The following ZC3HAV1 variants were observed in gnomAD, a reference collection of about 807,000 sequenced individuals.
The protein encoded by ZC3HAV1 is zinc finger CCCH-type containing, antiviral 1.
Under a neutral mutation model 86.6 loss-of-function variants are expected in ZC3HAV1, and 41 were observed. The observed-to-expected ratio is 0.47, with a 90% confidence interval of 0.37 to 0.61. The LOEUF (loss-of-function observed/expected upper bound fraction) is 0.61. Ranked by LOEUF, ZC3HAV1 falls within the 20% of genes least tolerant of loss-of-function variation. The pLI, the probability that ZC3HAV1 is intolerant of heterozygous loss-of-function variation, is 0.00. For missense variants in ZC3HAV1, 964 were observed against 1,141.1 expected, an observed-to-expected ratio of 0.84 and a Z score of 2.24; for synonymous variants, 421 against 432.1, an observed-to-expected ratio of 0.97 and a Z score of 0.32.
Position 139,080,062 on chromosome 7 carries a change from G to C in ZC3HAV1, c.879C>G (p.Leu293=), listed in dbSNP as rs767144137. 8 of 1,614,054 alleles carry C rather than the reference G, an allele frequency of 5.0e-6. No homozygotes were observed. In the East Asian group the frequency reaches 1.8e-4, roughly 36 times the overall value. Residue 293 remains leucine, a synonymous_variant, in exon 4 of 13, where the codon CTC becomes CTG. Coordinates refer to ENST00000242351, the MANE Select transcript of ZC3HAV1 (RefSeq NM_020119.4). ...ASLEDAPVDD[L]TRKFTYLGSQ... The stretch of plus-strand genomic sequence containing the variant: ...TCCCCAGATACGTGAACTTGCGGGT[G>C]AGATCGTCCACAGGCGCGTCCTCCA...
At chr7:139,052,888 C>T (rs1584836052) in intron 12 of ZC3HAV1, among the ~76,000 whole-genome samples, 1 of 151,524 alleles carries the variant, frequency 6.6e-6, no homozygotes. Flanking sequence ...GAGATTGTCA[C>T]CCAAACTGGG....
chr7:139,088,031 C>CAAAAAAAAAAAAAAAAAAAA (rs10544425), intron 2 of ZC3HAV1, among the ~76,000 whole-genome samples: 9 of 57,854 alleles, frequency 1.6e-4, no homozygotes, highest in Non-Finnish European at 2.4e-4. Context: ...GATCCTGTCT[C>CAAAAAAAAAAAAAAAAAAAA]AAAAAAAAAA....
chr7:139,053,155 T>C (rs1029772820), intron 12 of ZC3HAV1, among the ~76,000 whole-genome samples: 4 of 152,114 alleles, frequency 2.6e-5, no homozygotes, highest in African/African-American at 9.7e-5. Flanking sequence ...AAGTGAGTAG[T>C]AATGGTAGAC....
intron 3 of ZC3HAV1, among the ~76,000 whole-genome samples, chr7:139,080,868 A>T (rs1817108401): frequency 1.3e-5 from 2 of 152,170 alleles, no homozygotes; most frequent in Admixed American, 1.3e-4. Flanking sequence ...ATACGGGTGT[A>T]CCTGGCTATT....
At chr7:139,060,650 G>A in intron 9 of ZC3HAV1, 3 of 1,086,756 alleles carry the variant, frequency 2.8e-6, no homozygotes, top group Non-Finnish European at 3.4e-6. Context: ...AGACCAGCCT[G>A]GGCAACAAAG....
Position 139,064,852 on chromosome 7 carries a change from A to G in ZC3HAV1, c.1993+27T>C, listed in dbSNP as rs777402122. ...CACTGCAGGCGGATTTCAATGACAC[A>G]CAACACTGCCAAACACAGAAACCCA... is the stretch of plus-strand genomic sequence containing the variant. On this transcript the variant is annotated intron_variant, in intron 8 of 12. Transcript: ENST00000242351. The G allele has an allele frequency of 2.5e-6, 4 of 1,613,956 alleles. No individual in the cohort carries two copies. The Admixed American group carries it at 6.7e-5, about 27-fold the overall frequency.
intron 1 of ZC3HAV1, among the ~76,000 whole-genome samples, chr7:139,102,045 G>T (rs141217247): frequency 9.9e-4 from 150 of 151,488 alleles, no homozygotes; most frequent in African/African-American, 3.3e-3. Flanking sequence ...TAGATCTCTA[G>T]GGAAACTCAT....
rs761440194 is a variant in ZC3HAV1, at chr7:139,109,331, TGG to T, written c.-2_-1del. On this transcript the variant is annotated 5_prime_UTR_variant, in exon 1 of 13. Coordinates refer to ENST00000242351, the MANE Select transcript of ZC3HAV1 (RefSeq NM_020119.4). ...AAGCAGCACACCTCCGGGTCCGCCA[TGG>T]CGCGCTGGCTGTGCTGGCTCTGCCG... 2 of 1,578,408 alleles carry T rather than the reference TGG, an allele frequency of 1.3e-6. No homozygotes were observed. The highest frequency in any genetic ancestry group is 3.5e-5 in the Admixed American group (2 of 57,006).
chr7:139,081,301 G>C (rs1409168637), intron 3 of ZC3HAV1, among the ~76,000 whole-genome samples: 1 of 152,070 alleles, frequency 6.6e-6, no homozygotes, highest in Non-Finnish European at 1.5e-5. Context: ...TTTTTGTGTG[G>C]GGAAGGGGTA....
chr7:139,097,426 A>ATTTTTTTTTTTTT (rs1177588546), intron 1 of ZC3HAV1, among the ~76,000 whole-genome samples: 12 of 75,258 alleles, frequency 1.6e-4, no homozygotes, highest in African/African-American at 5.4e-4. Context: ...ATATATATAT[A>ATTTTTTTTTTTTT]TATTTTTTTT....
rs1317359754 is a variant in ZC3HAV1, at chr7:139,056,538, A to ACCTACT, written c.2097-1244_2097-1243insAGTAGG. Among the ~76,000 whole-genome samples, 5 of 151,552 alleles carry ACCTACT rather than the reference A, an allele frequency of 3.3e-5. No homozygotes were observed. In the East Asian group the frequency reaches 9.7e-4, roughly 29 times the overall value. ...CTCAACCTCTTGAGTAGCTGGGACCACAAGTGTGTACCACCACACCTGTCT... is the reference window on the plus strand; with the variant it reads ...CTCAACCTCTTGAGTAGCTGGGACCACCTACTCAAGTGTGTACCACCACACCTGTCT... On this transcript the variant is annotated intron_variant, in intron 9 of 12. Coordinates refer to ENST00000242351, the MANE Select transcript of ZC3HAV1 (RefSeq NM_020119.4).
intron 1 of ZC3HAV1, among the ~76,000 whole-genome samples, chr7:139,101,467 AT>A (rs1435283211): frequency 8.6e-6 from 1 of 116,502 alleles, no homozygotes; most frequent in Admixed American, 1.0e-4. Context: ...CCCGTCTGGG[AT>A]GTGAGGAGCG....
In ZC3HAV1 at chr7:139,080,155, C is replaced by A. The variant is rs146565146; in HGVS notation, c.786G>T (p.Ala262=). ...RFFQGSQEFL[A]SASASAERSC... is the part of the protein sequence containing the mutation. ...ACCTCTCAGCAGACGCTGAAGCAGA[C>A]GCAAGAAATTCTTGGCTGCCCTGAA... is the stretch of plus-strand genomic sequence containing the variant. The change falls in exon 4 of 13, where the codon GCG becomes GCT. Residue 262 remains alanine, a synonymous_variant. Transcript: ENST00000242351. The A allele has an allele frequency of 6.2e-7, 1 of 1,614,144 alleles. No homozygotes were observed.
Position 139,080,006 on chromosome 7 carries a change from G to C in ZC3HAV1, c.935C>G (p.Ser312Trp), listed in dbSNP as rs150932310. 6 of 1,614,136 alleles carry C rather than the reference G, an allele frequency of 3.7e-6. No homozygotes were observed. Among genetic ancestry groups the C allele is most frequent in the Admixed American group, 1.7e-5 (1 of 60,012 alleles). ...SQDRARPPSGSSKATDLGGTS... is the reference protein window; with the variant it reads ...SQDRARPPSGWSKATDLGGTS... ...TCCTCCAAGATCAGTAGCCTTGGACGAGCCTGAGGGAGGCCGAGCGCGATC... is the reference window on the plus strand; with the variant it reads ...TCCTCCAAGATCAGTAGCCTTGGACCAGCCTGAGGGAGGCCGAGCGCGATC... The change falls in exon 4 of 13, where the codon TCG becomes TGG. Residue 312 changes from serine to tryptophan, a missense_variant. By Grantham distance (177) the Ser-to-Trp change is radical. Transcript: ENST00000242351.
chr7:139,064,804 C>T, intron 8 of ZC3HAV1, 75 bp downstream of exon 8: 1 of 1,610,032 alleles, frequency 6.2e-7, no homozygotes, highest in Non-Finnish European at 8.5e-7. Context: ...TGCATACCCA[C>T]TCTGCTCCCA....
chr7:139,064,375 T>C (rs925101330), intron 8 of ZC3HAV1, among the ~76,000 whole-genome samples: 2 of 152,252 alleles, frequency 1.3e-5, no homozygotes, highest in African/African-American at 4.8e-5. Context: ...AAGACCTTTC[T>C]ATAGTAGCTC....
chr7:139,098,835 C>T (rs192481733), intron 1 of ZC3HAV1, among the ~76,000 whole-genome samples: 1 of 152,220 alleles, frequency 6.6e-6, no homozygotes, highest in Middle Eastern at 3.4e-3. Context: ...CTCCTGAAAC[C>T]TTTTACCCCT....
intron 10 of ZC3HAV1, among the ~76,000 whole-genome samples, chr7:139,054,404 G>A (rs567939499): frequency 1.3e-5 from 2 of 152,294 alleles, no homozygotes; most frequent in East Asian, 1.9e-4. Context: ...GAATTGAGGT[G>A]CCATGCAGTC....
Position 139,073,863 on chromosome 7 carries a change from C to G in ZC3HAV1, c.1865G>C (p.Gly622Ala), listed in dbSNP as rs1816853136. Residue 622 changes from glycine to alanine, a missense_variant, in exon 7 of 13, where the codon GGA (glycine) becomes GCA (alanine). Coordinates refer to ENST00000242351, the MANE Select transcript of ZC3HAV1 (RefSeq NM_020119.4). ...KNESGTWIQY[G>A]EEKDKRKNSN... ...AGGAGGAACAGTGCTCACCTCTTCTCCATACTGAATCCATGTGCCAGATTC... is the reference window on the plus strand; with the variant it reads ...AGGAGGAACAGTGCTCACCTCTTCTGCATACTGAATCCATGTGCCAGATTC... 1 of 1,611,826 alleles carries G rather than the reference C, an allele frequency of 6.2e-7. No homozygotes were observed.
Sources: allele counts gnomAD v4.1 joint callset (sites outside exome capture counted in the v4.1 genomes callset), GRCh38; gene constraint gnomAD v4.1.1; transcripts MANE v1.5; gene names NCBI Gene and HGNC (gene_info 2026-07-23, HGNC 2026-07-21).